The following ZNRF3 variants were observed in gnomAD, a reference collection of about 807,000 sequenced individuals.
The protein encoded by ZNRF3 is E3 ubiquitin-protein ligase ZNRF3.
In ZNRF3, 23 loss-of-function variants were observed where a neutral mutation model predicts 72.5. The ratio of observed to expected loss-of-function variants is 0.32; its 90% CI spans 0.23 to 0.45. The LOEUF is 0.45. Ranked by LOEUF, ZNRF3 falls within the 20% of genes least tolerant of loss-of-function variation. The probability of loss-of-function intolerance (pLI) is 1.00; values close to 1 mark genes in which losing one functional copy is unlikely to be tolerated. For synonymous variants in ZNRF3, 610 were observed against 545.3 expected (o/e 1.12, Z -1.65); for missense variants, 1,169 against 1,272.1 (o/e 0.92, Z 1.23).
chr22:28,914,038 T>C (rs1476331952), intron 1 of ZNRF3, among the ~76,000 whole-genome samples: 1 of 152,214 alleles, frequency 6.6e-6, no homozygotes, highest in Non-Finnish European at 1.5e-5. Context: ...ATGAAATGCA[T>C]GATAAGAACT....
In ZNRF3 at chr22:29,050,082, CG is replaced by C; in HGVS notation, c.1903del (p.Ala635ArgfsTer31). ...FEGSPPPEEL[P>X]AVHSHGAGRG... Reference sequence around the variant, plus strand: ...GGCTCCCCGCCTCCCGAGGAGCTCCCGGCGGTGCACAGTCATGGTGCTGGGC... The same window carrying C: ...GGCTCCCCGCCTCCCGAGGAGCTCCCGCGGTGCACAGTCATGGTGCTGGGC... On this transcript the variant is annotated frameshift_variant, in exon 8 of 9. Transcript: ENST00000544604. LOFTEE classifies it high-confidence loss of function. The C allele has an allele frequency of 6.2e-7, 1 of 1,607,654 alleles. No individual in the cohort carries two copies. The highest frequency in any genetic ancestry group is 1.7e-5 in the Admixed American group (1 of 59,838).
chr22:28,934,874 G>T (rs2034792104), intron 1 of ZNRF3, among the ~76,000 whole-genome samples: 1 of 150,342 alleles, frequency 6.7e-6, no homozygotes, highest in Admixed American at 6.6e-5. Flanking sequence ...CTCCCATCCT[G>T]TTCTTCCTGT....
chr22:29,010,449 T>G (rs2036329757), intron 2 of ZNRF3, among the ~76,000 whole-genome samples: 1 of 152,196 alleles, frequency 6.6e-6, no homozygotes, highest in Non-Finnish European at 1.5e-5. Flanking sequence ...TATGATGGAA[T>G]TATATATATC....
intron 1 of ZNRF3, among the ~76,000 whole-genome samples, chr22:28,930,447 A>T (rs1471263361): frequency 6.6e-6 from 1 of 152,162 alleles, no homozygotes; most frequent in Non-Finnish European, 1.5e-5. Context: ...ATTCATGGAA[A>T]GGGCCCCAGA....
chr22:28,913,471 C>A (rs1034139763), intron 1 of ZNRF3, among the ~76,000 whole-genome samples: 1 of 151,814 alleles, frequency 6.6e-6, no homozygotes, highest in African/African-American at 2.4e-5. Flanking sequence ...CAGTTGGTGT[C>A]CTGTTAGATT....
chr22:29,023,364 T>C (rs1197872030), intron 2 of ZNRF3, among the ~76,000 whole-genome samples: 1 of 152,182 alleles, frequency 6.6e-6, no homozygotes. Context: ...TTGCAAATCT[T>C]GGACATGGGA....
intron 1 of ZNRF3, among the ~76,000 whole-genome samples, chr22:28,927,118 A>G (rs1430367345): frequency 6.6e-6 from 1 of 152,152 alleles, no homozygotes; most frequent in Non-Finnish European, 1.5e-5. Context: ...AAAAAAAAAA[A>G]AGTGAATAAA....
rs576161401 is a variant in ZNRF3 at position 28,886,798 on chromosome 22, A to G, written c.300+2732A>G. 1.0e-3 allele frequency among the ~76,000 whole-genome samples: 155 copies of G among 152,058 alleles called. 1 individual carries two copies. The highest frequency in any genetic ancestry group is 7.9e-3 in the South Asian group (38 of 4,816). ...ACACAGTTAGACCTGGTCTCTACAAAAAAAAAAAGTAGCCCAGTATGGTGG... is the reference window on the plus strand; with the variant it reads ...ACACAGTTAGACCTGGTCTCTACAAGAAAAAAAAGTAGCCCAGTATGGTGG... On this transcript the variant is annotated intron_variant, in intron 1 of 8. Transcript: ENST00000544604.
Position 29,057,195 on chromosome 22 carries a change from T to C in ZNRF3, c.*3573T>C, listed in dbSNP as rs1284358764. The C allele has an allele frequency of 1.3e-5, 2 of 152,254 alleles. No individual in the cohort carries two copies. The highest frequency in any genetic ancestry group is 4.8e-5 in the African/African-American group (2 of 41,466). 9.4% of individuals were successfully genotyped at this position (152,254 alleles called of 1,614,324 possible). On this transcript the variant is annotated 3_prime_UTR_variant, in exon 9 of 9. Transcript: ENST00000544604. ...GTTTTAAAAGCTAGAAGACAACTTA[T>C]GTATATTCTGTATATGTATAGCAGC...
chr22:29,039,714 G>A (rs562910904), intron 2 of ZNRF3, among the ~76,000 whole-genome samples: 1 of 147,272 alleles, frequency 6.8e-6, no homozygotes, highest in African/African-American at 2.6e-5. Flanking sequence ...TGGGAGGCCG[G>A]AATGGGAGGA....
At chr22:28,994,400 G>T (rs887919521) in intron 2 of ZNRF3, among the ~76,000 whole-genome samples, 1 of 150,614 alleles carries the variant, frequency 6.6e-6, no homozygotes, top group African/African-American at 2.4e-5. Flanking sequence ...TTTCTCCATG[G>T]TGGTCGGGCT....
chr22:29,000,061 C>T (rs944379762), intron 2 of ZNRF3, among the ~76,000 whole-genome samples: 1 of 152,202 alleles, frequency 6.6e-6, no homozygotes, highest in Non-Finnish European at 1.5e-5. Flanking sequence ...GCATCAGGCT[C>T]TCTGGTCTGA....
intron 4 of ZNRF3, among the ~76,000 whole-genome samples, chr22:29,044,233 G>A (rs562637487): frequency 1.5e-4 from 23 of 152,196 alleles, no homozygotes; most frequent in African/African-American, 4.8e-4. Flanking sequence ...GTGAGGAAAA[G>A]GTAAGAACTA....
chr22:28,947,268 G>A (rs1331456375), intron 1 of ZNRF3, among the ~76,000 whole-genome samples: 1 of 152,170 alleles, frequency 6.6e-6, no homozygotes, highest in Non-Finnish European at 1.5e-5. Context: ...TCTTCAGTCA[G>A]TAGGCATTTG....
chr22:28,910,410 A>G (rs916459484), intron 1 of ZNRF3, among the ~76,000 whole-genome samples: 16 of 152,298 alleles, frequency 1.1e-4, no homozygotes, highest in African/African-American at 3.8e-4. Flanking sequence ...GTCCTTTCCT[A>G]GAGGACGTAA....
chr22:28,916,513 G>A (rs2034410149), intron 1 of ZNRF3, among the ~76,000 whole-genome samples: 1 of 152,096 alleles, frequency 6.6e-6, no homozygotes, highest in African/African-American at 2.4e-5. Context: ...TTTGGAAATT[G>A]TTTACTTTTT....
chr22:29,004,087 C>CA (rs1258455200), intron 2 of ZNRF3, among the ~76,000 whole-genome samples: 1 of 152,254 alleles, frequency 6.6e-6, no homozygotes, highest in Non-Finnish European at 1.5e-5. Context: ...CTTGTCCAAA[C>CA]ACTGCCTTCC....
intron 1 of ZNRF3, among the ~76,000 whole-genome samples, chr22:28,944,521 G>A (rs1386480257): frequency 2.6e-5 from 4 of 152,260 alleles, no homozygotes; most frequent in East Asian, 1.9e-4. Flanking sequence ...CTGGGAGGCC[G>A]AGGCAGGTGG....
chr22:28,889,700 G>C (rs144998863), intron 1 of ZNRF3, among the ~76,000 whole-genome samples: 198 of 152,324 alleles, frequency 1.3e-3, no homozygotes, highest in Non-Finnish European at 2.3e-3. Flanking sequence ...TGTGCACTGC[G>C]CAGCATCCTT....
Sources: allele counts gnomAD v4.1 joint callset (sites outside exome capture counted in the v4.1 genomes callset), GRCh38; gene constraint gnomAD v4.1.1; transcripts MANE v1.5; gene names NCBI Gene and HGNC (gene_info 2026-07-23, HGNC 2026-07-21).